The following FAM13C variants were observed in gnomAD, a reference collection of about 807,000 sequenced individuals.
FAM13C encodes protein FAM13C.
FAM13C carries 37 observed loss-of-function variants against 73.2 expected under a neutral mutation model. The observed-to-expected ratio is 0.51, with a 90% CI of 0.39 to 0.67. The LOEUF is 0.67. FAM13C is among the 30% of genes least tolerant of loss of function. FAM13C has a pLI of 0.00. For missense variants in FAM13C, 589 were observed against 715.6 expected (o/e 0.82, Z 2.02); for synonymous variants, 246 against 260.9 (o/e 0.94, Z 0.55).
chr10:59,267,743 C>A (rs536876874), intron 8 of FAM13C, among the ~76,000 whole-genome samples: 3 of 152,210 alleles, frequency 2.0e-5, no homozygotes, highest in African/African-American at 7.2e-5. Flanking sequence ...GTTTAGTGAA[C>A]CTTTAAATAT....
intron 10 of FAM13C, among the ~76,000 whole-genome samples, chr10:59,261,527 C>A (rs1014503687): frequency 2.0e-5 from 3 of 152,080 alleles, no homozygotes; most frequent in African/African-American, 7.2e-5. Context: ...GCTCATTTTT[C>A]CATTCACTCA....
intron 3 of FAM13C, among the ~76,000 whole-genome samples, chr10:59,328,778 T>A (rs1231096966): frequency 6.6e-6 from 1 of 152,240 alleles, no homozygotes. Flanking sequence ...AATCACTCTA[T>A]TGTTAATGCC....
chr10:59,341,127 G>T (rs1853450249), intron 3 of FAM13C, among the ~76,000 whole-genome samples: 1 of 152,020 alleles, frequency 6.6e-6, no homozygotes, highest in African/African-American at 2.4e-5. Flanking sequence ...CTTTAGTAGG[G>T]TCAGTGTTTC....
chr10:59,349,678 C>T (rs1357836567), intron 3 of FAM13C, among the ~76,000 whole-genome samples: 5 of 152,044 alleles, frequency 3.3e-5, no homozygotes, highest in Non-Finnish European at 5.9e-5. Flanking sequence ...CAGGAGGATC[C>T]CTTGAGCCTG....
intron 3 of FAM13C, among the ~76,000 whole-genome samples, chr10:59,328,465 G>T (rs1464065783): frequency 6.6e-6 from 1 of 151,950 alleles, no homozygotes; most frequent in African/African-American, 2.4e-5. Flanking sequence ...TCCTTTATTT[G>T]TACAAATCCA....
intron 3 of FAM13C, among the ~76,000 whole-genome samples, chr10:59,345,685 A>G (rs1306274717): frequency 2.0e-5 from 3 of 152,166 alleles, no homozygotes; most frequent in African/African-American, 7.2e-5. Flanking sequence ...ACTTTCAAGG[A>G]CCCTGCATTT....
intron 5 of FAM13C, among the ~76,000 whole-genome samples, chr10:59,287,033 CAA>C (rs1202727571): frequency 1.9e-3 from 73 of 38,970 alleles, no homozygotes; most frequent in African/African-American, 5.1e-3. Context: ...GACTCCATCT[CAA>C]AAAAAAAAAA....
intron 8 of FAM13C, among the ~76,000 whole-genome samples, chr10:59,265,431 T>C (rs942272589): frequency 6.6e-6 from 1 of 150,462 alleles, no homozygotes; most frequent in South Asian, 2.1e-4. Flanking sequence ...TTTGCTAGAA[T>C]GATGCACTGT....
chr10:59,286,516 A>AATATATATATATAT lies in FAM13C; in HGVS notation c.508-3083_508-3070dup, dbSNP rs1159774665. ...GGCAACAGAGCAAGACTCCATCTCA[A>AATATATATATATAT]ATATATATATATATATATATATATA... On this transcript the variant is annotated intron_variant, in intron 5 of 13. Transcript: ENST00000618804. Among the ~76,000 whole-genome samples, 840 of 110,870 alleles carry AATATATATATATAT rather than the reference A, an allele frequency of 7.6e-3. 16 individuals carry two copies. The highest frequency in any genetic ancestry group is 0.019 in the African/African-American group (552 of 29,272). The allele number at this position is 110,870 out of a possible 152,430, so 72.7% of individuals were successfully genotyped here. A position where few individuals can be genotyped will look rare whatever the true frequency, so the allele number is the denominator to read the frequency against.
At chr10:59,351,811 T>C (rs1404554799) in intron 3 of FAM13C, among the ~76,000 whole-genome samples, 1 of 152,056 alleles carries the variant, frequency 6.6e-6, no homozygotes, top group Admixed American at 6.6e-5. Flanking sequence ...CTGGCCAACA[T>C]GGCGAAACCC....
chr10:59,360,658 G>T (rs1717234055), intron 1 of FAM13C, among the ~76,000 whole-genome samples: 1 of 151,948 alleles, frequency 6.6e-6, no homozygotes, highest in Non-Finnish European at 1.5e-5. Flanking sequence ...GAAGCTTTTG[G>T]TATGTTCTCA....
chr10:59,252,722 G>A, intron 12 of FAM13C, 77 bp downstream of exon 12: 1 of 1,450,104 alleles, frequency 6.9e-7, no homozygotes, highest in Non-Finnish European at 9.6e-7. Context: ...CATTTTCAAA[G>A]GCCAGCTCTA....
At position 59,347,028 on chromosome 10, in the gene FAM13C, G is replaced by C. The variant is rs748559829; in HGVS notation, c.324+5242C>G. ...ATCCCTAAAACCTATCTTTCCAGGA[G>C]ACAGGTCATTAAATGGTCCTTATTT... On this transcript the variant is annotated intron_variant, in intron 3 of 13. Coordinates refer to ENST00000618804, the MANE Select transcript of FAM13C (RefSeq NM_198215.4). 4.5e-4 allele frequency among the ~76,000 whole-genome samples: 68 copies of C among 152,038 alleles called. 2 individuals carry two copies. Among genetic ancestry groups the C allele is most frequent in the Non-Finnish European group, 5.9e-5 (4 of 68,008 alleles).
intron 4 of FAM13C, among the ~76,000 whole-genome samples, chr10:59,319,730 A>C (rs1206885184): frequency 1.3e-5 from 2 of 152,242 alleles, no homozygotes; most frequent in Admixed American, 6.5e-5. Context: ...ACTGGGTGTC[A>C]AAGAAGAAAA....
chr10:59,355,838 G>T (rs1855645297), intron 2 of FAM13C, 49 bp downstream of exon 2: 4 of 1,552,726 alleles, frequency 2.6e-6, no homozygotes, highest in Non-Finnish European at 3.6e-6. Context: ...ACCAGACCTA[G>T]ATGGCTTCTG....
rs201595517 is a variant in FAM13C at position 59,289,907 on chromosome 10, T to TAGTGC, written c.508-6465_508-6461dup. Among the ~76,000 whole-genome samples, 113 of 152,232 alleles carry TAGTGC rather than the reference T, an allele frequency of 7.4e-4. 1 individual carries two copies. In the East Asian group the frequency reaches 0.02, roughly 26 times the overall value. ...AGCCCGTCACTCAGGGCCAGACTGC[T>TAGTGC]AGTGCTTTTCCTGGTTTATATCCAA... On this transcript the variant is annotated intron_variant, in intron 5 of 13. Transcript: ENST00000618804.
chr10:59,314,878 G>T (rs1054893627), intron 4 of FAM13C, among the ~76,000 whole-genome samples: 15 of 152,082 alleles, frequency 9.9e-5, no homozygotes, highest in African/African-American at 3.6e-4. Context: ...ACAAATTATG[G>T]CTTTAAACAT....
chr10:59,339,777 G>A (rs1422723241), intron 3 of FAM13C, among the ~76,000 whole-genome samples: 2 of 152,156 alleles, frequency 1.3e-5, no homozygotes, highest in Non-Finnish European at 2.9e-5. Flanking sequence ...TGAAAGGAAA[G>A]GCCAGCTCAG....
intron 4 of FAM13C, among the ~76,000 whole-genome samples, chr10:59,311,153 C>T (rs544365954): frequency 6.6e-6 from 1 of 152,304 alleles, no homozygotes; most frequent in South Asian, 2.1e-4. Context: ...TACCACTTCT[C>T]ACTTTGGTGA....
Sources: allele counts gnomAD v4.1 joint callset (sites outside exome capture counted in the v4.1 genomes callset), GRCh38; gene constraint gnomAD v4.1.1; transcripts MANE v1.5; gene names NCBI Gene and HGNC (gene_info 2026-07-23, HGNC 2026-07-21).